LURAP1L: variants seen among roughly 807,000 people sequenced by gnomAD.
LURAP1L encodes leucine rich adaptor protein 1-like.
A neutral mutation model predicts 13.8 loss-of-function variants in LURAP1L; 12 were observed. That is an observed-to-expected ratio of 0.87 (90% CI 0.56 to 1.41). The LOEUF (loss-of-function observed/expected upper bound fraction) is 1.41. Ranked by LOEUF, LURAP1L falls within the 40% of genes most tolerant of loss-of-function variation. The pLI, the probability that LURAP1L is intolerant of heterozygous loss-of-function variation, is 0.00. For synonymous variants in LURAP1L, 139 were observed against 119.2 expected (o/e 1.17, Z -1.08); for missense variants, 375 against 292.9 (o/e 1.28, Z -2.04).
chr9:12,813,177 GC>G (rs766098786), intron 1 of LURAP1L, among the ~76,000 whole-genome samples: 1 of 152,072 alleles, frequency 6.6e-6, no homozygotes, highest in African/African-American at 2.4e-5. Flanking sequence ...AGATGTGTGA[GC>G]TTTTTGTTAA....
At chr9:12,801,401 T>C (rs1819583793) in intron 1 of LURAP1L, among the ~76,000 whole-genome samples, 2 of 152,012 alleles carry the variant, frequency 1.3e-5, no homozygotes, top group African/African-American at 4.8e-5. Context: ...TAGGAATCCA[T>C]ACCCCAGTTC....
chr9:12,776,409 G>A, intron 1 of LURAP1L, among the ~76,000 whole-genome samples: 1 of 152,112 alleles, frequency 6.6e-6, no homozygotes, highest in Admixed American at 6.5e-5. Context: ...TTAACACTTC[G>A]GGTAGGTTCA....
chr9:12,822,081 A>G lies in LURAP1L; in HGVS notation c.*321A>G, dbSNP rs901530868. ...TTCAGAGCAATGGGTCAGGGATTAC[A>G]AGAAAAACTTTGCTAAATTTTACAA... On this transcript the variant is annotated 3_prime_UTR_variant, in exon 2 of 2. Coordinates refer to ENST00000319264, the MANE Select transcript of LURAP1L (RefSeq NM_203403.2). 2 of 217,256 alleles carry G rather than the reference A, an allele frequency of 9.2e-6. No individual in the cohort carries two copies. Among genetic ancestry groups the G allele is most frequent in the Non-Finnish European group, 9.1e-6 (1 of 109,336 alleles). The allele number at this position is 217,256 out of a possible 1,614,324, so 13.5% of individuals were successfully genotyped here. A position where few individuals can be genotyped will look rare whatever the true frequency, so the allele number is the denominator to read the frequency against.
chr9:12,811,921 G>T (rs1003493188), intron 1 of LURAP1L, among the ~76,000 whole-genome samples: 1 of 152,140 alleles, frequency 6.6e-6, no homozygotes, highest in Non-Finnish European at 1.5e-5. Context: ...ATCCAGGGAG[G>T]ATCCACTTCC....
At chr9:12,811,083 C>A (rs1819729772) in intron 1 of LURAP1L, among the ~76,000 whole-genome samples, 1 of 152,104 alleles carries the variant, frequency 6.6e-6, no homozygotes, top group African/African-American at 2.4e-5. Flanking sequence ...GAAGGAAACT[C>A]AATAAACCTA....
At chr9:12,792,499 A>G (rs971055400) in intron 1 of LURAP1L, among the ~76,000 whole-genome samples, 5 of 152,148 alleles carry the variant, frequency 3.3e-5, no homozygotes, top group Non-Finnish European at 7.4e-5. Flanking sequence ...TTTGCAGCAT[A>G]CATTTAAATA....
chr9:12,803,448 A>G (rs1031187231), intron 1 of LURAP1L, among the ~76,000 whole-genome samples: 4 of 152,244 alleles, frequency 2.6e-5, no homozygotes, highest in Admixed American at 2.0e-4. Flanking sequence ...TTCCCACTAA[A>G]TGATACTGCC....
Position 12,786,568 on chromosome 9 carries a change from A to ATATATATATATG in LURAP1L, c.312+10552_312+10553insGTATATATATAT, listed in dbSNP as rs1819356974. ...ATGACATATATATATATATATATATATATATATATATATAAACCCTTGTGC... is the reference window on the plus strand; with the variant it reads ...ATGACATATATATATATATATATATATATATATATATGTATATATATATATAAACCCTTGTGC... On this transcript the variant is annotated intron_variant, in intron 1 of 1. Transcript: ENST00000319264. Among the ~76,000 whole-genome samples, 28 of 124,396 alleles carry ATATATATATATG rather than the reference A, an allele frequency of 2.3e-4. 2 individuals carry two copies. The highest frequency in any genetic ancestry group is 7.9e-4 in the African/African-American group (27 of 34,154). 81.6% of individuals were successfully genotyped at this position (124,396 alleles called of 152,430 possible).
At chr9:12,777,787 C>T (rs1374631320) in intron 1 of LURAP1L, among the ~76,000 whole-genome samples, 2 of 152,178 alleles carry the variant, frequency 1.3e-5, no homozygotes, top group Admixed American at 1.3e-4. Context: ...TTAGGATGCA[C>T]AACCATGTTG....
At chr9:12,805,442 C>T (rs1024102083) in intron 1 of LURAP1L, among the ~76,000 whole-genome samples, 4 of 151,892 alleles carry the variant, frequency 2.6e-5, no homozygotes, top group African/African-American at 9.7e-5. Flanking sequence ...GTTTTTTTCT[C>T]AGTTAAATAC....
intron 1 of LURAP1L, among the ~76,000 whole-genome samples, chr9:12,785,257 T>C (rs1344924241): frequency 1.3e-5 from 2 of 152,058 alleles, no homozygotes; most frequent in Non-Finnish European, 2.9e-5. Flanking sequence ...AAAAGTCCTC[T>C]TTACTCTCCC....
chr9:12,795,512 T>C (rs1385753686), intron 1 of LURAP1L, among the ~76,000 whole-genome samples: 1 of 151,994 alleles, frequency 6.6e-6, no homozygotes, highest in Non-Finnish European at 1.5e-5. Flanking sequence ...GGTAATAAGG[T>C]AGTGATAAGC....
At chr9:12,817,971 C>T (rs1192797260) in intron 1 of LURAP1L, among the ~76,000 whole-genome samples, 2 of 151,982 alleles carry the variant, frequency 1.3e-5, no homozygotes, top group Admixed American at 6.6e-5. Flanking sequence ...CCAGCGCTCC[C>T]ACGGTGGGAA....
At chr9:12,811,981 G>T (rs946481006) in intron 1 of LURAP1L, among the ~76,000 whole-genome samples, 3 of 152,170 alleles carry the variant, frequency 2.0e-5, no homozygotes, top group African/African-American at 7.2e-5. Flanking sequence ...GTCCTTGCTA[G>T]CTGTTGTCCA....
chr9:12,813,016 G>T (rs1230470785), intron 1 of LURAP1L, among the ~76,000 whole-genome samples: 1 of 152,036 alleles, frequency 6.6e-6, no homozygotes, highest in Non-Finnish European at 1.5e-5. Context: ...GAAAAGATAA[G>T]ATTACCTTCA....
chr9:12,815,548 T>C (rs1819793749), intron 1 of LURAP1L, among the ~76,000 whole-genome samples: 1 of 152,204 alleles, frequency 6.6e-6, no homozygotes, highest in Admixed American at 6.5e-5. Flanking sequence ...GAAGTCCTTC[T>C]TCCTTCTAAT....
At chr9:12,815,794 C>A (rs1819797401) in intron 1 of LURAP1L, among the ~76,000 whole-genome samples, 1 of 152,098 alleles carries the variant, frequency 6.6e-6, no homozygotes, top group Non-Finnish European at 1.5e-5. Context: ...AGCTCATGTG[C>A]ACATTTCAGT....
chr9:12,820,313 G>A (rs1453204557), intron 1 of LURAP1L, among the ~76,000 whole-genome samples: 1 of 151,990 alleles, frequency 6.6e-6, no homozygotes, highest in African/African-American at 2.4e-5. Flanking sequence ...GACCATCCTG[G>A]CCAACATGGT....
chr9:12,799,988 T>G (rs1464476551), intron 1 of LURAP1L, among the ~76,000 whole-genome samples: 1 of 152,158 alleles, frequency 6.6e-6, no homozygotes, highest in Non-Finnish European at 1.5e-5. Context: ...TCAGATGAAT[T>G]AACATATATA....
Sources: gnomAD v4.1 joint callset for allele counts (sites outside exome capture counted in the v4.1 genomes callset) on GRCh38, gnomAD v4.1.1 for gene constraint, MANE v1.5 for transcripts, NCBI Gene and HGNC (gene_info 2026-07-23, HGNC 2026-07-21) for gene names.